The following AFG2A variants were observed in gnomAD, a reference collection of about 807,000 sequenced individuals.
AFG2A encodes the protein AAA ATPase AFG2A.
chr4:123,199,297 A>G, the AFG2A span, among the ~76,000 whole-genome samples: 3 of 152,144 alleles, frequency 2.0e-5, no homozygotes, highest in African/African-American at 4.8e-5. Flanking sequence ...TGTTAATTAC[A>G]TTATGCAAAA....
chr4:123,016,862 G>A, the AFG2A span, among the ~76,000 whole-genome samples: 37 of 152,334 alleles, frequency 2.4e-4, no homozygotes, highest in African/African-American at 8.9e-4. Context: ...GACTCCGTCT[G>A]CAATCCCGGC....
At chr4:122,935,885 A>G in the AFG2A span, 3 of 1,527,662 alleles carry the variant, frequency 2.0e-6, no homozygotes, top group Admixed American at 2.0e-5. Flanking sequence ...TATTAAATAT[A>G]TTTCTAAAAT....
the AFG2A span, among the ~76,000 whole-genome samples, chr4:123,007,546 A>G: frequency 1.6e-3 from 158 of 101,232 alleles, no homozygotes; most frequent in South Asian, 9.7e-3. Flanking sequence ...ATATATGTGT[A>G]TGTATGTGTG....
At chr4:123,151,192 T>C in the AFG2A span, among the ~76,000 whole-genome samples, 1 of 152,302 alleles carries the variant, frequency 6.6e-6, no homozygotes, top group Non-Finnish European at 1.5e-5. Context: ...GGCATTACCG[T>C]TCAGGAAGTA....
chr4:123,198,184 G>A, the AFG2A span, among the ~76,000 whole-genome samples: 59 of 151,878 alleles, frequency 3.9e-4, no homozygotes, highest in East Asian at 6.0e-3. Context: ...CAGGAGAATC[G>A]CTTGAGCCCG....
At chr4:123,076,404 G>A in the AFG2A span, among the ~76,000 whole-genome samples, 2 of 151,886 alleles carry the variant, frequency 1.3e-5, no homozygotes, top group South Asian at 4.1e-4. Context: ...TTATAATAAA[G>A]CTTAGATATG....
At chr4:122,952,811 A>G in the AFG2A span, among the ~76,000 whole-genome samples, 2 of 152,156 alleles carry the variant, frequency 1.3e-5, no homozygotes, top group Admixed American at 6.5e-5. Context: ...CTCTGCGGCA[A>G]TGGGGATGCT....
the AFG2A span, chr4:122,979,181 T>G: frequency 6.3e-7 from 1 of 1,580,530 alleles, no homozygotes; most frequent in South Asian, 1.2e-5. Flanking sequence ...CAATTCAGTC[T>G]GTATTTATGA....
the AFG2A span, among the ~76,000 whole-genome samples, chr4:122,944,389 T>C: frequency 5.9e-5 from 9 of 152,210 alleles, no homozygotes; most frequent in African/African-American, 9.7e-5. Flanking sequence ...ATTCATGTCA[T>C]CTTCCATCAC....
At chr4:122,992,430 C>T in the AFG2A span, among the ~76,000 whole-genome samples, 1 of 152,218 alleles carries the variant, frequency 6.6e-6, no homozygotes, top group Non-Finnish European at 1.5e-5. Flanking sequence ...GAGAAGTCAA[C>T]ATTTCTGTAA....
chr4:123,274,669 G>A, the AFG2A span, among the ~76,000 whole-genome samples: 3 of 151,744 alleles, frequency 2.0e-5, no homozygotes, highest in Non-Finnish European at 4.4e-5. Flanking sequence ...ATTTAATCTT[G>A]AAATGATAAT....
At chr4:123,095,138 C>G in the AFG2A span, among the ~76,000 whole-genome samples, 2 of 139,576 alleles carry the variant, frequency 1.4e-5, no homozygotes, top group Non-Finnish European at 1.5e-5. Flanking sequence ...TCTTTTTATT[C>G]ATTGATTCCC....
chr4:123,144,151 A>G, the AFG2A span, among the ~76,000 whole-genome samples: 1 of 151,990 alleles, frequency 6.6e-6, no homozygotes, highest in Admixed American at 6.6e-5. Flanking sequence ...GGGGTTGACA[A>G]CTTTTCCAGT....
chr4:122,974,727 G>A, the AFG2A span, among the ~76,000 whole-genome samples: 4 of 152,022 alleles, frequency 2.6e-5, no homozygotes, highest in Admixed American at 6.5e-5. Context: ...CGCAGCCTCT[G>A]CCTCCTGGGT....
the AFG2A span, among the ~76,000 whole-genome samples, chr4:122,998,645 C>T: frequency 6.6e-6 from 1 of 152,094 alleles, no homozygotes; most frequent in African/African-American, 2.4e-5. Context: ...ATGAACTCAT[C>T]ATTTTTTATG....
At chr4:123,063,805 A>G in the AFG2A span, among the ~76,000 whole-genome samples, 145,077 of 152,172 alleles carry the variant, frequency 0.95, 69,254 homozygotes, top group African/African-American at 0.99. Context: ...AGGATGTTTC[A>G]CAATTGAGCA....
chr4:123,163,035 T>C, the AFG2A span, among the ~76,000 whole-genome samples: 1 of 152,224 alleles, frequency 6.6e-6, no homozygotes, highest in Non-Finnish European at 1.5e-5. Context: ...CAATGTGGAC[T>C]TTGGAATCAG....
chr4:122,956,829 G>A, the AFG2A span, among the ~76,000 whole-genome samples: 1 of 152,148 alleles, frequency 6.6e-6, no homozygotes, highest in Admixed American at 6.5e-5. Context: ...GTTGTATTAT[G>A]TAGTATCATT....
chr4:123,210,830 C>G, the AFG2A span, among the ~76,000 whole-genome samples: 2 of 151,982 alleles, frequency 1.3e-5, no homozygotes, highest in African/African-American at 4.8e-5. Context: ...AAAGGGACCC[C>G]TTTTTTCTAC....
Sources: allele counts gnomAD v4.1 joint callset (sites outside exome capture counted in the v4.1 genomes callset), GRCh38; gene constraint gnomAD v4.1.1; transcripts MANE v1.5; gene names NCBI Gene and HGNC (gene_info 2026-07-23, HGNC 2026-07-21).